The following KIF14 variants were observed in gnomAD, a reference collection of about 807,000 sequenced individuals.
KIF14 encodes the protein kinesin-like protein KIF14.
KIF14 carries 98 observed loss-of-function variants against 176.2 expected under a neutral mutation model. That is an observed-to-expected ratio of 0.56 (90% CI 0.47 to 0.66). KIF14 has a LOEUF of 0.66. Among genes scored for constraint, KIF14 ranks in the 30% least tolerant of loss-of-function variants. KIF14 has a pLI of 0.00. For missense variants in KIF14, 1,751 were observed against 1,920.4 expected, an observed-to-expected ratio of 0.91 and a Z score of 1.65; for synonymous variants, 566 against 632.2, an observed-to-expected ratio of 0.90 and a Z score of 1.57.
intron 25 of KIF14, among the ~76,000 whole-genome samples, chr1:200,561,229 TAAAA>T (rs10643609): frequency 2.3e-5 from 3 of 128,078 alleles, no homozygotes; most frequent in South Asian, 2.5e-4. Context: ...GACTCCATCT[TAAAA>T]AAAAAAAAAA....
intron 4 of KIF14, among the ~76,000 whole-genome samples, chr1:200,612,881 CTTTTT>C (rs58120760): frequency 4.2e-4 from 33 of 79,124 alleles, no homozygotes; most frequent in Non-Finnish European, 6.2e-4. Context: ...AGTTTATTCT[CTTTTT>C]TTTTTTTTTT....
intron 4 of KIF14, among the ~76,000 whole-genome samples, chr1:200,612,918 T>C (rs1660229310): frequency 7.3e-6 from 1 of 137,840 alleles, no homozygotes; most frequent in Admixed American, 7.7e-5. Flanking sequence ...GATGGAGTCA[T>C]GCTCTGTCAC....
At chr1:200,556,451 G>A (rs539310612) in intron 27 of KIF14, among the ~76,000 whole-genome samples, 5 of 152,124 alleles carry the variant, frequency 3.3e-5, no homozygotes, top group Non-Finnish European at 5.9e-5. Flanking sequence ...TCTTAAAGGA[G>A]TTTTAACTTA....
chr1:200,574,337 C>T (rs1427533984), intron 22 of KIF14, among the ~76,000 whole-genome samples: 3 of 152,296 alleles, frequency 2.0e-5, no homozygotes, highest in South Asian at 2.1e-4. Context: ...TCAGGCAACA[C>T]GACTTTCCCC....
chr1:200,563,231 T>A (rs531197561), intron 25 of KIF14, among the ~76,000 whole-genome samples: 8 of 152,372 alleles, frequency 5.3e-5, no homozygotes, highest in African/African-American at 1.9e-4. Context: ...TAATAGAATG[T>A]GGAAAGTCTT....
intron 2 of KIF14, among the ~76,000 whole-genome samples, chr1:200,616,900 CAAT>C (rs1471483970): frequency 1.3e-5 from 2 of 152,094 alleles, no homozygotes; most frequent in Non-Finnish European, 2.9e-5. Flanking sequence ...TAATCGGAGA[CAAT>C]GATGATGATA....
intron 22 of KIF14, among the ~76,000 whole-genome samples, chr1:200,573,297 T>C (rs55989119): frequency 1.3e-5 from 2 of 152,088 alleles, no homozygotes; most frequent in East Asian, 1.9e-4. Flanking sequence ...AGGGATGTAA[T>C]GTCACTTGTA....
rs144792145 is a variant in KIF14 at position 200,614,401 on chromosome 1, T to C, written c.1372A>G (p.Met458Val). 3.6e-4 allele frequency: 568 copies of C among 1,578,862 alleles called. 4 individuals are homozygous for C. The highest frequency in any genetic ancestry group is 1.7e-4 in the Middle Eastern group (1 of 6,006). ...QTGSGKSYTM[M>V]GFSEEPGIIP... The stretch of plus-strand genomic sequence containing the variant: ...ATTCCTGGTTCTTCACTAAATCCCA[T>C]CATCCTGAAAAATACATTATGAATA... Residue 458 changes from methionine (M) to valine (V), a missense_variant, in exon 4 of 30, where the codon ATG becomes GTG. Physicochemically the swap from Met to Val is conservative, Grantham distance 21. Coordinates refer to ENST00000367350, the MANE Select transcript of KIF14 (RefSeq NM_014875.3).
chr1:200,618,712 G>C lies in KIF14; in HGVS notation c.12C>G (p.His4Gln), dbSNP rs1660541580. MSL[H>Q]STHNRNNSGD... Reference sequence around the variant, plus strand: ...CGCTGTTATTTCTATTATGAGTACTGTGTAATGACATTTTGGCAGACAGTT... The same window carrying C: ...CGCTGTTATTTCTATTATGAGTACTCTGTAATGACATTTTGGCAGACAGTT... The change falls in exon 2 of 30, where the codon CAC (histidine) becomes CAG (glutamine). Residue 4 changes from histidine (H) to glutamine (Q), a missense_variant. His to Gln is a conservative substitution (Grantham distance 24). Transcript: ENST00000367350. 1 of 1,597,642 alleles carries C rather than the reference G, an allele frequency of 6.3e-7. No individual in the cohort carries two copies. The highest frequency in any genetic ancestry group is 8.5e-7 in the Non-Finnish European group (1 of 1,171,892).
At chr1:200,604,084 T>C (rs1659758791) in intron 8 of KIF14, 129 bp from the exon 9 acceptor site, 1 of 598,216 alleles carries the variant, frequency 1.7e-6, no homozygotes, top group Non-Finnish European at 3.0e-6. Flanking sequence ...TCTTTTTTTT[T>C]GAGACAGGGT....
At chr1:200,572,618 C>T (rs927873544) in intron 22 of KIF14, among the ~76,000 whole-genome samples, 9 of 152,200 alleles carry the variant, frequency 5.9e-5, no homozygotes, top group African/African-American at 9.6e-5. Flanking sequence ...GCTGGGATTA[C>T]AAGCATGAGC....
At chr1:200,592,970 G>A (rs781664075) in intron 15 of KIF14, among the ~76,000 whole-genome samples, 3 of 152,168 alleles carry the variant, frequency 2.0e-5, no homozygotes, top group Non-Finnish European at 4.4e-5. Flanking sequence ...TGGGACCACT[G>A]TTACATATGT....
rs1319622939 is a variant in KIF14, at chr1:200,560,938, G to A, written c.4072-58C>T. Reference sequence around the variant, plus strand: ...ACATGAGATTATAACAGGTGGTAAAGAAAAGATAAGGGCCGGGCACAGCGG... The same window carrying A: ...ACATGAGATTATAACAGGTGGTAAAAAAAAGATAAGGGCCGGGCACAGCGG... On this transcript the variant is annotated intron_variant, in intron 25 of 29. Transcript: ENST00000367350. 1.3e-5 allele frequency: 20 copies of A among 1,510,058 alleles called. No individual in the cohort carries two copies. The East Asian group carries it at 4.3e-4, about 33-fold the overall frequency. The allele number at this position is 1,510,058 out of a possible 1,614,324, so 93.5% of individuals were successfully genotyped here.
intron 5 of KIF14, among the ~76,000 whole-genome samples, chr1:200,608,387 C>T (rs1466777423): frequency 2.8e-5 from 4 of 141,430 alleles, no homozygotes; most frequent in South Asian, 2.2e-4. Flanking sequence ...TTTTTGGAGA[C>T]GAAGTCTCAC....
Position 200,565,062 on chromosome 1 carries a change from A to C in KIF14, c.4071+7T>G, listed in dbSNP as rs1374910471. 1.2e-6 allele frequency: 2 copies of C among 1,601,530 alleles called. No homozygotes were observed. Among genetic ancestry groups the C allele is most frequent in the South Asian group, 2.2e-5 (2 of 90,190 alleles). Reference sequence around the variant, plus strand: ...TCCTTCAAATGATAATAAGCAAATCAATTTACCTGCAAAAATAACTGTAAG... The same window carrying C: ...TCCTTCAAATGATAATAAGCAAATCCATTTACCTGCAAAAATAACTGTAAG... On this transcript the variant is annotated splice_region_variant and intron_variant, in intron 25 of 29. Coordinates refer to ENST00000367350, the MANE Select transcript of KIF14 (RefSeq NM_014875.3).
chr1:200,559,116 C>G (rs145728625), intron 27 of KIF14, among the ~76,000 whole-genome samples: 192 of 152,244 alleles, frequency 1.3e-3, no homozygotes, highest in African/African-American at 4.1e-3. Context: ...ATAGCTGCAA[C>G]AGGACCAAGC....
At chr1:200,553,865 G>T (rs1571442296) in intron 29 of KIF14, 98 bp from the exon 30 acceptor site, 1 of 1,226,264 alleles carries the variant, frequency 8.2e-7, no homozygotes, top group Non-Finnish European at 1.1e-6. Context: ...AAGTCAAAGT[G>T]ACCCTATCAA....
chr1:200,553,856 A>C lies in KIF14; in HGVS notation c.4568-89T>G, dbSNP rs1656690860. ...TTTTATAGACTCTAGATATCTTTTA[A>C]GTCAAAGTGACCCTATCAAAACAAT... is the stretch of plus-strand genomic sequence containing the variant. On this transcript the variant is annotated intron_variant, in intron 29 of 29. Coordinates refer to ENST00000367350, the MANE Select transcript of KIF14 (RefSeq NM_014875.3). The C allele has an allele frequency of 4.6e-6, 6 of 1,292,398 alleles. No homozygotes were observed. The African/African-American group carries it at 7.4e-5, about 16-fold the overall frequency. The allele number at this position is 1,292,398 out of a possible 1,614,324, so 80.1% of individuals were successfully genotyped here. A position where few individuals can be genotyped will look rare whatever the true frequency, so the allele number is the denominator to read the frequency against.
rs1484743318 is a variant in KIF14 at position 200,615,451 on chromosome 1, T to C, written c.1271A>G (p.Tyr424Cys). The stretch of plus-strand genomic sequence containing the variant: ...TAGGAGTGGTGCTGCTAGCTTCTCA[T>C]AGACAGTTGTCTGGCTAGCGTAGTG... ...HPHYASQTTV[Y>C]EKLAAPLLER... Residue 424 changes from tyrosine (Y) to cysteine (C), a missense_variant, in exon 3 of 30, where the codon TAT (tyrosine) becomes TGT (cysteine). Transcript: ENST00000367350. 2.5e-6 allele frequency: 4 copies of C among 1,614,148 alleles called. No homozygotes were observed. The highest frequency in any genetic ancestry group is 1.3e-5 in the African/African-American group (1 of 75,058).
Sources: gnomAD v4.1 joint callset for allele counts (sites outside exome capture counted in the v4.1 genomes callset) on GRCh38, gnomAD v4.1.1 for gene constraint, MANE v1.5 for transcripts, NCBI Gene and HGNC (gene_info 2026-07-23, HGNC 2026-07-21) for gene names.